The following ZNF547 variants were observed in gnomAD, a reference collection of about 807,000 sequenced individuals.
The protein encoded by ZNF547 is zinc finger protein 547.
ZNF547 carries 4 observed loss-of-function variants against 7.7 expected under a neutral mutation model. The observed-to-expected ratio is 0.52, with a 90% CI of 0.26 to 1.20. ZNF547 has a LOEUF of 1.20. ZNF547 is among the 50% of genes most tolerant of loss of function. The pLI, the probability that ZNF547 is intolerant of heterozygous loss-of-function variation, is 0.14. For missense variants in ZNF547, 449 were observed against 485.8 expected, an observed-to-expected ratio of 0.92 and a Z score of 0.71; for synonymous variants, 166 against 166.2, an observed-to-expected ratio of 1.00 and a Z score of 0.01.
chr19:57,363,798 G>C (rs1012785268), intron 1 of ZNF547, 95 bp downstream of exon 1: 1 of 148,890 alleles, frequency 6.7e-6, no homozygotes, highest in South Asian at 2.0e-4. Context: ...CAGGCCCCTT[G>C]TCTCGAAGAG....
chr19:57,365,728 T>C (rs1322265017), intron 1 of ZNF547, among the ~76,000 whole-genome samples: 1 of 152,044 alleles, frequency 6.6e-6, no homozygotes, highest in Non-Finnish European at 1.5e-5. Flanking sequence ...AGGCTGGTCT[T>C]GAACTCCTGA....
At chr19:57,372,644 C>T (rs2088513638) in intron 3 of ZNF547, among the ~76,000 whole-genome samples, 1 of 152,210 alleles carries the variant, frequency 6.6e-6, no homozygotes, top group Non-Finnish European at 1.5e-5. Flanking sequence ...TGCCACAACT[C>T]ACTCTTCTTT....
At position 57,377,961 on chromosome 19, in the gene ZNF547, T is replaced by C; in HGVS notation, c.985T>C (p.Cys329Arg). 1.2e-6 allele frequency: 2 copies of C among 1,614,162 alleles called. No individual in the cohort carries two copies. The highest frequency in any genetic ancestry group is 1.7e-6 in the Non-Finnish European group (2 of 1,179,992). ...AGAAAGGCCTTATGAGTGCAATGAA[T>C]GTGGGAAATTCTTCAGCTTGAAATC... ...TGERPYECNE[C>R]GKFFSLKSVL... The change falls in exon 4 of 4, where the codon TGT (cysteine) becomes CGT (arginine). Residue 329 changes from cysteine to arginine, a missense_variant. Physicochemically the swap from Cys to Arg is radical, Grantham distance 180. Transcript: ENST00000282282.
Position 57,379,385 on chromosome 19 carries a change from A to G in ZNF547, c.*1200A>G, listed in dbSNP as rs35183391. On this transcript the variant is annotated 3_prime_UTR_variant, in exon 4 of 4. Transcript: ENST00000282282. ...TGATTTTGTTGTTGCTGATGTAGGG[A>G]CTACATTTTGAGAACTGTCCTATCC... 6.6e-6 allele frequency: 1 copy of G among 152,214 alleles called. No individual in the cohort carries two copies. Among genetic ancestry groups the G allele is most frequent in the Non-Finnish European group, 1.5e-5 (1 of 68,050 alleles). The allele number at this position is 152,214 out of a possible 1,614,324, so 9.4% of individuals were successfully genotyped here. A position where few individuals can be genotyped will look rare whatever the true frequency, so the allele number is the denominator to read the frequency against.
At chr19:57,376,882 C>T (rs1380800516) in intron 3 of ZNF547, among the ~76,000 whole-genome samples, 1 of 152,134 alleles carries the variant, frequency 6.6e-6, no homozygotes, top group Admixed American at 6.5e-5. Context: ...ACATTCCAGC[C>T]TGTACATGAG....
intron 2 of ZNF547, chr19:57,370,960 T>G (rs1207011123): frequency 2.6e-5 from 4 of 151,022 alleles, no homozygotes; most frequent in South Asian, 2.1e-4. Flanking sequence ...GTTTTTTGTT[T>G]TTTTTTTTTT....
chr19:57,371,939 G>A, intron 3 of ZNF547, 31 bp downstream of exon 3: 2 of 1,554,042 alleles, frequency 1.3e-6, no homozygotes, highest in Non-Finnish European at 1.7e-6. Context: ...CAGTGTCCTG[G>A]GTTGGGCTGT....
chr19:57,365,410 A>G, intron 1 of ZNF547: 2 of 624,254 alleles, frequency 3.2e-6, no homozygotes, highest in South Asian at 4.3e-5. Flanking sequence ...TAAAAATAGT[A>G]CATTCTGTCT....
chr19:57,377,760 C>A lies in ZNF547; in HGVS notation c.784C>A (p.His262Asn). ...SSTLITHQRVHTGKRPYGCSE... is the reference protein window; with the variant it reads ...SSTLITHQRVNTGKRPYGCSE... ...CACACTCATTACACATCAGAGGGTT[C>A]ACACTGGAAAGAGGCCTTATGGTTG... Residue 262 changes from histidine (H) to asparagine (N), a missense_variant, in exon 4 of 4, where the codon CAC becomes AAC. Transcript: ENST00000282282. The A allele has an allele frequency of 6.2e-7, 1 of 1,614,182 alleles. No homozygotes were observed. The highest frequency in any genetic ancestry group is 8.5e-7 in the Non-Finnish European group (1 of 1,180,032).
intron 1 of ZNF547, chr19:57,365,043 GT>G: frequency 6.2e-7 from 1 of 1,611,976 alleles, no homozygotes. Flanking sequence ...TCAACGAGTG[GT>G]TTGTGTCAGC....
At position 57,377,948 on chromosome 19, in the gene ZNF547, T is replaced by C. The variant is rs1259201000; in HGVS notation, c.972T>C (p.Tyr324=). 5.6e-6 allele frequency: 9 copies of C among 1,614,216 alleles called. No homozygotes were observed. In the East Asian group the frequency reaches 1.1e-4, roughly 20 times the overall value. The change falls in exon 4 of 4, where the codon TAT becomes TAC. Residue 324 remains tyrosine (Y), a synonymous_variant. Transcript: ENST00000282282. ...GAGTTCACACTGGAGAAAGGCCTTA[T>C]GAGTGCAATGAATGTGGGAAATTCT... ...HQRVHTGERP[Y]ECNECGKFFS...
intron 1 of ZNF547, chr19:57,364,931 A>G (rs777243843): frequency 7.4e-5 from 120 of 1,612,914 alleles, no homozygotes; most frequent in Non-Finnish European, 9.8e-5. Context: ...TCCAAAGACG[A>G]CCATCGTCAT....
intron 2 of ZNF547, 66 bp downstream of exon 2, chr19:57,368,645 T>C: frequency 6.6e-7 from 1 of 1,510,290 alleles, no homozygotes; most frequent in Non-Finnish European, 9.2e-7. Flanking sequence ...CACCTCCATG[T>C]AAAGAAAAGT....
intron 3 of ZNF547, among the ~76,000 whole-genome samples, chr19:57,372,285 T>C (rs998932820): frequency 6.6e-6 from 1 of 152,228 alleles, no homozygotes; most frequent in East Asian, 1.9e-4. Flanking sequence ...TGATCACTAA[T>C]TTGGTGAACC....
chr19:57,368,173 T>C (rs1393788034), intron 1 of ZNF547: 4 of 174,776 alleles, frequency 2.3e-5, no homozygotes, highest in Non-Finnish European at 4.8e-5. Context: ...AAGCTAAAAA[T>C]ATACACCTCA....
chr19:57,365,457 G>C, intron 1 of ZNF547: 1 of 516,104 alleles, frequency 1.9e-6, no homozygotes, highest in Non-Finnish European at 3.4e-6. Context: ...GTATTTCCTT[G>C]TGAACAATGT....
intron 1 of ZNF547, chr19:57,363,961 T>G (rs1444802959): frequency 6.6e-6 from 1 of 151,452 alleles, no homozygotes; most frequent in Non-Finnish European, 1.5e-5. Flanking sequence ...AAAGAGAGGG[T>G]TTTGTGAATT....
At chr19:57,363,725 C>CG (rs1023457111) in intron 1 of ZNF547, 22 bp downstream of exon 1, 11 of 136,976 alleles carry the variant, frequency 8.0e-5, no homozygotes, top group African/African-American at 2.4e-4. Context: ...GTCCCAGGCC[C>CG]CCCCCCACCT....
In ZNF547 at chr19:57,377,482, A is replaced by G. The variant is rs531953082; in HGVS notation, c.506A>G (p.His169Arg). ...SECGKAFSHK[H>R]KLSDHQKIHT... is the part of the protein sequence containing the mutation. ...TGTGGGAAAGCCTTTAGCCACAAAC[A>G]TAAACTTTCTGACCATCAGAAAATC... The change falls in exon 4 of 4, where the codon CAT (histidine) becomes CGT (arginine). Residue 169 changes from histidine to arginine, a missense_variant. His to Arg is a conservative substitution (Grantham distance 29, BLOSUM62 0). Transcript: ENST00000282282. The G allele has an allele frequency of 3.7e-6, 6 of 1,613,922 alleles. No homozygotes were observed. Among genetic ancestry groups the G allele is most frequent in the African/African-American group, 1.3e-5 (1 of 74,956 alleles).
Sources: allele counts gnomAD v4.1 joint callset (sites outside exome capture counted in the v4.1 genomes callset), GRCh38; gene constraint gnomAD v4.1.1; transcripts MANE v1.5; gene names NCBI Gene and HGNC (gene_info 2026-07-23, HGNC 2026-07-21).